Variants in EXOC6B observed in about 807,000 individuals in gnomAD.
EXOC6B encodes exocyst complex component 6B.
EXOC6B carries 54 observed loss-of-function variants against 113.5 expected under a neutral mutation model. The ratio of observed to expected loss-of-function variants is 0.48; its 90% confidence interval spans 0.38 to 0.60. The LOEUF (loss-of-function observed/expected upper bound fraction) is 0.60. EXOC6B is among the 20% of genes least tolerant of loss of function. The pLI is 0.00. For missense variants in EXOC6B, 797 were observed against 977.5 expected, an observed-to-expected ratio of 0.82 and a Z score of 2.46; for synonymous variants, 357 against 339.0, an observed-to-expected ratio of 1.05 and a Z score of -0.58.
At chr2:72,578,118 T>G (rs1164249030) in intron 6 of EXOC6B, among the ~76,000 whole-genome samples, 2 of 152,086 alleles carry the variant, frequency 1.3e-5, no homozygotes, top group Non-Finnish European at 2.9e-5. Flanking sequence ...CAGGTCTTGT[T>G]TCCTATTACT....
chr2:72,806,844 T>C (rs1685609221), intron 1 of EXOC6B, among the ~76,000 whole-genome samples: 1 of 152,302 alleles, frequency 6.6e-6, no homozygotes, highest in South Asian at 2.1e-4. Context: ...TTTCGAAAAG[T>C]GTTCATGGCC....
chr2:72,821,013 T>C lies in EXOC6B; in HGVS notation c.113+4785A>G, dbSNP rs116439816. Among the ~76,000 whole-genome samples, 809 of 152,144 alleles carry C rather than the reference T, an allele frequency of 5.3e-3. 10 individuals are homozygous for C. Among genetic ancestry groups the C allele is most frequent in the African/African-American group, 0.019 (771 of 41,534 alleles). ...TGGAATTAATTTAAATTAAAAACTT[T>C]TGTGCAGCAAAAGCTAAGAACATGA... On this transcript the variant is annotated intron_variant, in intron 1 of 21. Coordinates refer to ENST00000272427, the MANE Select transcript of EXOC6B (RefSeq NM_015189.3).
chr2:72,529,623 G>GGATTGTTT (rs1295361787), intron 8 of EXOC6B, among the ~76,000 whole-genome samples: 2 of 151,998 alleles, frequency 1.3e-5, no homozygotes, highest in Non-Finnish European at 2.9e-5. Context: ...CTGTTTCTTT[G>GGATTGTTT]GATTGTTTGT....
chr2:72,788,500 A>G (rs1179687448), intron 1 of EXOC6B, among the ~76,000 whole-genome samples: 1 of 152,180 alleles, frequency 6.6e-6, no homozygotes, highest in African/African-American at 2.4e-5. Flanking sequence ...AGGAATATCA[A>G]GAATCTGCCA....
chr2:72,724,865 C>G (rs962123368), intron 5 of EXOC6B, among the ~76,000 whole-genome samples: 2 of 151,954 alleles, frequency 1.3e-5, no homozygotes, highest in Non-Finnish European at 2.9e-5. Flanking sequence ...TAAAATCTAT[C>G]TCAAATAAAG....
intron 19 of EXOC6B, among the ~76,000 whole-genome samples, chr2:72,372,837 CTG>C (rs1455857524): frequency 6.6e-6 from 1 of 151,890 alleles, no homozygotes; most frequent in African/African-American, 2.4e-5. Context: ...GAGCAAGACT[CTG>C]TCTCAAAAAA....
chr2:72,388,605 T>C (rs1432250232), intron 18 of EXOC6B, among the ~76,000 whole-genome samples: 1 of 152,152 alleles, frequency 6.6e-6, no homozygotes, highest in Non-Finnish European at 1.5e-5. Context: ...GCTTTACTGA[T>C]ACCCTATTTA....
intron 20 of EXOC6B, among the ~76,000 whole-genome samples, chr2:72,184,481 A>C (rs1252723031): frequency 1.3e-5 from 2 of 152,222 alleles, no homozygotes; most frequent in Non-Finnish European, 2.9e-5. Context: ...GGACTGAATC[A>C]AATATGATAA....
chr2:72,283,376 C>G (rs1367647784), intron 20 of EXOC6B, among the ~76,000 whole-genome samples: 1 of 152,200 alleles, frequency 6.6e-6, no homozygotes, highest in East Asian at 1.9e-4. Flanking sequence ...AGTAAGAGCA[C>G]AGGGTAAACT....
At chr2:72,557,035 A>G (rs1399622908) in intron 8 of EXOC6B, among the ~76,000 whole-genome samples, 2 of 151,988 alleles carry the variant, frequency 1.3e-5, no homozygotes, top group Non-Finnish European at 2.9e-5. Context: ...AAATCTAAAA[A>G]GATCCACTAG....
intron 20 of EXOC6B, among the ~76,000 whole-genome samples, chr2:72,215,572 AACAG>A (rs935301763): frequency 1.3e-5 from 2 of 152,168 alleles, no homozygotes; most frequent in African/African-American, 4.8e-5. Flanking sequence ...GGCACCTTCA[AACAG>A]ACAGGGGACA....
At chr2:72,691,471 A>G (rs1046677866) in intron 6 of EXOC6B, among the ~76,000 whole-genome samples, 1 of 152,148 alleles carries the variant, frequency 6.6e-6, no homozygotes, top group Non-Finnish European at 1.5e-5. Flanking sequence ...ATCTGAACAC[A>G]CAACATAGTT....
Position 72,467,061 on chromosome 2 carries a change from A to C in EXOC6B, c.1801-1722T>G, listed in dbSNP as rs997698230. ...GTTTCTATGAATTCAACATTTTTAG[A>C]TGCTACACATGAGATCATGCATATT... is the stretch of plus-strand genomic sequence containing the variant. On this transcript the variant is annotated intron_variant, in intron 17 of 21. Coordinates refer to ENST00000272427, the MANE Select transcript of EXOC6B (RefSeq NM_015189.3). Among the ~76,000 whole-genome samples the C allele has an allele frequency of 5.3e-5, 8 of 152,284 alleles. No homozygotes were observed. In the East Asian group the frequency reaches 1.5e-3, roughly 29 times the overall value.
At chr2:72,615,704 G>C (rs770666189) in intron 6 of EXOC6B, among the ~76,000 whole-genome samples, 3 of 151,802 alleles carry the variant, frequency 2.0e-5, no homozygotes, top group Admixed American at 2.0e-4. Flanking sequence ...CTGGTTAATG[G>C]ATGTACTATA....
chr2:72,697,139 TATAG>T (rs1677950693), intron 6 of EXOC6B, among the ~76,000 whole-genome samples: 1 of 151,978 alleles, frequency 6.6e-6, no homozygotes, highest in Non-Finnish European at 1.5e-5. Context: ...TAGATATAGA[TATAG>T]ATATAGATAT....
At chr2:72,672,557 A>G (rs1017033253) in intron 6 of EXOC6B, among the ~76,000 whole-genome samples, 5 of 150,078 alleles carry the variant, frequency 3.3e-5, no homozygotes, top group East Asian at 3.9e-4. Context: ...AAAAAAAAAA[A>G]AAAAAAAGAA....
intron 6 of EXOC6B, among the ~76,000 whole-genome samples, chr2:72,608,491 A>G (rs984669163): frequency 6.6e-6 from 1 of 152,116 alleles, no homozygotes; most frequent in African/African-American, 2.4e-5. Context: ...CTAAAACTCA[A>G]CTTCACATCT....
intron 18 of EXOC6B, among the ~76,000 whole-genome samples, chr2:72,388,755 C>T (rs568081667): frequency 5.3e-5 from 8 of 152,242 alleles, no homozygotes; most frequent in African/African-American, 7.2e-5. Flanking sequence ...TGCAGACACA[C>T]GGTTGTAATG....
At chr2:72,708,335 A>T (rs1360489080) in intron 6 of EXOC6B, among the ~76,000 whole-genome samples, 1 of 152,202 alleles carries the variant, frequency 6.6e-6, no homozygotes, top group East Asian at 1.9e-4. Flanking sequence ...ATATTCCAGG[A>T]TGATCTTTTA....
Sources: allele counts gnomAD v4.1 joint callset (sites outside exome capture counted in the v4.1 genomes callset), GRCh38; gene constraint gnomAD v4.1.1; transcripts MANE v1.5; gene names NCBI Gene and HGNC (gene_info 2026-07-23, HGNC 2026-07-21).